GVQW3: variants seen among roughly 807,000 people sequenced by gnomAD.
GVQW3 encodes the protein protein GVQW3.
Under a neutral mutation model 12.5 loss-of-function variants are expected in GVQW3, and 7 were observed. That is an observed-to-expected ratio of 0.56 (90% confidence interval 0.32 to 1.05). The LOEUF is 1.05. Among genes scored for constraint, GVQW3 ranks in the 50% least tolerant of loss-of-function variants. The pLI is 0.04. For missense variants in GVQW3, 188 were observed against 190.8 expected (o/e 0.99, Z 0.09); for synonymous variants, 71 against 67.2 (o/e 1.06, Z -0.28).
downstream of GVQW3, among the ~76,000 whole-genome samples, chr11:76,410,698 A>C (rs1478696135): frequency 6.6e-6 from 1 of 152,182 alleles, no homozygotes; most frequent in Non-Finnish European, 1.5e-5. Flanking sequence ...GAGAGAGCTG[A>C]GGATGCTGTC....
chr11:76,413,363 C>G (rs1283326447), exon 2 of GVQW3: 1 of 152,154 alleles, frequency 6.6e-6, no homozygotes, highest in African/African-American at 2.4e-5. Flanking sequence ...CCATTGACAA[C>G]TGGCATCATG....
intron 1 of GVQW3, 100 bp downstream of exon 1, chr11:76,382,393 C>A: frequency 1.3e-6 from 1 of 791,428 alleles, no homozygotes; most frequent in Non-Finnish European, 2.1e-6. Flanking sequence ...TGCCAGTCAG[C>A]TTCTGCAGGC....
Position 76,381,623 on chromosome 11 carries a change from TG to T in GVQW3, c.-205del, listed in dbSNP as rs1431316786. On this transcript the variant is annotated 5_prime_UTR_variant, in exon 1 of 2. The change abolishes the stop of an existing upstream ORF in the 5' untranslated region. Transcript: ENST00000529331. ...TAATTTTTCCCAGCTTTGCAGCGAC[TG>T]TTGGCTTCCCAGAACGGATCTCCCC... The T allele has an allele frequency of 5.9e-6, 3 of 505,728 alleles. No homozygotes were observed. In the Admixed American group the frequency reaches 1.1e-4, roughly 19 times the overall value. The allele number at this position is 505,728 out of a possible 1,614,324, so 31.3% of individuals were successfully genotyped here.
chr11:76,400,014 C>CAA (rs1409173850), intron 1 of GVQW3, among the ~76,000 whole-genome samples: 2 of 135,912 alleles, frequency 1.5e-5, no homozygotes, highest in African/African-American at 5.4e-5. Context: ...TATACACACA[C>CAA]ACACACACAC....
At chr11:76,387,352 C>A (rs960918521) in intron 1 of GVQW3, among the ~76,000 whole-genome samples, 2 of 152,026 alleles carry the variant, frequency 1.3e-5, no homozygotes, top group Non-Finnish European at 2.9e-5. Context: ...AGGAGAATTG[C>A]TTGAACCCTG....
chr11:76,387,280 A>G (rs947824098), intron 1 of GVQW3, among the ~76,000 whole-genome samples: 3 of 152,004 alleles, frequency 2.0e-5, no homozygotes, highest in Non-Finnish European at 4.4e-5. Flanking sequence ...TACTAAAAAT[A>G]TAAAAATTAG....
At chr11:76,413,713 A>C (rs1947097256) in exon 2 of GVQW3, 2 of 152,270 alleles carry the variant, frequency 1.3e-5, no homozygotes, top group South Asian at 4.1e-4. Context: ...GGGTGAGCCC[A>C]CCTAAATTAT....
At chr11:76,396,546 G>A (rs1055766013) in intron 1 of GVQW3, among the ~76,000 whole-genome samples, 1 of 151,966 alleles carries the variant, frequency 6.6e-6, no homozygotes, top group Non-Finnish European at 1.5e-5. Context: ...AACTCCTGGG[G>A]CCAAGCAGTC....
rs59874433 is a variant in GVQW3 at position 76,391,536 on chromosome 11, T to C, written c.465+9243T>C. Among the ~76,000 whole-genome samples the C allele has an allele frequency of 2.3e-3, 357 of 152,354 alleles. 2 individuals carry two copies. Among genetic ancestry groups the C allele is most frequent in the African/African-American group, 8.4e-3 (350 of 41,582 alleles). On this transcript the variant is annotated intron_variant, in intron 1 of 1. Transcript: ENST00000529331. ...AGAGTTTAATGGTTTGCGGTTTTGATATTTTTGTCCATTGTAGAAAATTTG... is the reference window on the plus strand; with the variant it reads ...AGAGTTTAATGGTTTGCGGTTTTGACATTTTTGTCCATTGTAGAAAATTTG...
At position 76,405,367 on chromosome 11, in the gene GVQW3, G is replaced by C. The variant is rs574328147; in HGVS notation, c.*1609G>C. ...ACAGTATGTATTTGGCATGGAGTCG[G>C]TACTCAATAAGCATTAGCTATTTGG... On this transcript the variant is annotated 3_prime_UTR_variant, in exon 2 of 2. Transcript: ENST00000529331. The C allele has an allele frequency of 6.6e-6, 1 of 152,348 alleles. No individual in the cohort carries two copies. The highest frequency in any genetic ancestry group is 1.9e-4 in the East Asian group (1 of 5,182). The allele number at this position is 152,348 out of a possible 1,614,324, so 9.4% of individuals were successfully genotyped here.
intron 1 of GVQW3, among the ~76,000 whole-genome samples, chr11:76,394,478 A>G (rs1946922218): frequency 6.6e-6 from 1 of 152,140 alleles, no homozygotes; most frequent in Admixed American, 6.5e-5. Context: ...CACTTAACAT[A>G]ATGACCTTCA....
intron 1 of GVQW3, among the ~76,000 whole-genome samples, chr11:76,385,065 C>CCCTG (rs1253620934): frequency 1.3e-5 from 2 of 152,152 alleles, no homozygotes; most frequent in African/African-American, 2.4e-5. Flanking sequence ...GCTGGTATGT[C>CCCTG]CCTGCCAGTG....
At position 76,403,936 on chromosome 11, in the gene GVQW3, G is replaced by A; in HGVS notation, c.*178G>A. On this transcript the variant is annotated 3_prime_UTR_variant, in exon 2 of 2. Transcript: ENST00000529331. ...GTTCTATTCAGGTCCTCAATGAATTGGATGATGTCCATGCACATTAGGGAG... is the reference window on the plus strand; with the variant it reads ...GTTCTATTCAGGTCCTCAATGAATTAGATGATGTCCATGCACATTAGGGAG... 1.4e-6 allele frequency: 1 copy of A among 701,324 alleles called. No individual in the cohort carries two copies. Among genetic ancestry groups the A allele is most frequent in the Non-Finnish European group, 2.6e-6 (1 of 383,982 alleles). The allele number at this position is 701,324 out of a possible 1,614,324, so 43.4% of individuals were successfully genotyped here. A position where few individuals can be genotyped will look rare whatever the true frequency, so the allele number is the denominator to read the frequency against.
downstream of GVQW3, chr11:76,411,523 C>T (rs1448050219): frequency 2.0e-5 from 3 of 152,236 alleles, no homozygotes; most frequent in Non-Finnish European, 4.4e-5. Flanking sequence ...AAAGCAGGGT[C>T]TCTGCCCTAG....
intron 1 of GVQW3, among the ~76,000 whole-genome samples, chr11:76,396,210 G>A (rs1481430435): frequency 1.3e-5 from 2 of 151,620 alleles, no homozygotes; most frequent in Non-Finnish European, 2.9e-5. Flanking sequence ...ATTATTTTTG[G>A]CTTAAAAGCT....
downstream of GVQW3, chr11:76,411,073 C>T (rs1293953500): frequency 2.6e-5 from 4 of 152,264 alleles, no homozygotes; most frequent in East Asian, 7.7e-4. Context: ...CTGCCTGCTC[C>T]ACATACAGTA....
chr11:76,409,931 C>T (rs557049005), downstream of GVQW3, among the ~76,000 whole-genome samples: 3 of 152,284 alleles, frequency 2.0e-5, no homozygotes, highest in Admixed American at 1.3e-4. Flanking sequence ...TCACAGTCAA[C>T]ATGTCCAGTA....
intron 1 of GVQW3, chr11:76,394,926 C>G (rs1262491682): frequency 6.6e-6 from 1 of 152,194 alleles, no homozygotes; most frequent in African/African-American, 2.4e-5. Context: ...AATGCACATT[C>G]TGATGTCAAG....
At chr11:76,387,329 G>A (rs776899428) in intron 1 of GVQW3, among the ~76,000 whole-genome samples, 184 of 151,990 alleles carry the variant, frequency 1.2e-3, no homozygotes, top group Non-Finnish European at 1.9e-3. Flanking sequence ...CCAGCTACCC[G>A]AGAGGCTGAG....
Sources: allele counts gnomAD v4.1 joint callset (sites outside exome capture counted in the v4.1 genomes callset), GRCh38; gene constraint gnomAD v4.1.1; transcripts MANE v1.5; gene names NCBI Gene and HGNC (gene_info 2026-07-23, HGNC 2026-07-21).